The following WWOX variants were observed in gnomAD, a reference collection of about 807,000 sequenced individuals.
WWOX encodes WW domain-containing oxidoreductase.
Under a neutral mutation model 46.2 loss-of-function variants are expected in WWOX, and 69 were observed. The ratio of observed to expected loss-of-function variants is 1.49; its 90% CI spans 1.23 to 1.82. WWOX has a LOEUF of 1.82. Ranked by LOEUF, WWOX falls within the 40% of genes most tolerant of loss-of-function variation. WWOX has a pLI of 0.00. For missense variants in WWOX, 919 were observed against 542.6 expected (o/e 1.69, Z -6.89); for synonymous variants, 359 against 202.6 (o/e 1.77, Z -6.56).
At chr16:78,233,627 T>C (rs2037343666) in intron 5 of WWOX, among the ~76,000 whole-genome samples, 2 of 150,886 alleles carry the variant, frequency 1.3e-5, no homozygotes, top group African/African-American at 2.4e-5. Flanking sequence ...CCCGGGTTCA[T>C]GCCATTCTTC....
At chr16:79,102,404 G>A (rs2049219495) in intron 8 of WWOX, among the ~76,000 whole-genome samples, 1 of 152,084 alleles carries the variant, frequency 6.6e-6, no homozygotes, top group Admixed American at 6.5e-5. Context: ...ATGAATGTAT[G>A]GAATATTATT....
intron 8 of WWOX, among the ~76,000 whole-genome samples, chr16:78,514,463 G>C (rs1422094146): frequency 6.6e-6 from 1 of 152,196 alleles, no homozygotes; most frequent in Non-Finnish European, 1.5e-5. Context: ...GGTAAAAGCA[G>C]TGCAGTGAGC....
chr16:78,954,896 C>T (rs951049386), intron 8 of WWOX, among the ~76,000 whole-genome samples: 1 of 152,066 alleles, frequency 6.6e-6, no homozygotes, highest in African/African-American at 2.4e-5. Flanking sequence ...CTCAAGAGAT[C>T]CTCCTGCCTC....
intron 5 of WWOX, among the ~76,000 whole-genome samples, chr16:78,373,125 A>G (rs929607706): frequency 6.6e-5 from 10 of 152,102 alleles, no homozygotes; most frequent in African/African-American, 2.2e-4. Flanking sequence ...CTTTCTTGTA[A>G]TATCTTTGTA....
intron 6 of WWOX, among the ~76,000 whole-genome samples, chr16:78,407,492 C>T (rs2082575110): frequency 1.3e-5 from 2 of 152,198 alleles, no homozygotes; most frequent in South Asian, 2.1e-4. Context: ...TTTTGGGGAG[C>T]ATGTTAACAA....
At chr16:78,882,835 A>G (rs1166397908) in intron 8 of WWOX, among the ~76,000 whole-genome samples, 1 of 152,026 alleles carries the variant, frequency 6.6e-6, no homozygotes, top group Non-Finnish European at 1.5e-5. Context: ...TTTAAAAAAA[A>G]AAAAAAGGGC....
intron 6 of WWOX, among the ~76,000 whole-genome samples, chr16:78,397,119 C>A (rs1311760073): frequency 6.6e-6 from 1 of 152,132 alleles, no homozygotes; most frequent in Non-Finnish European, 1.5e-5. Context: ...AAGAAACTCC[C>A]CCATGATATT....
intron 8 of WWOX, among the ~76,000 whole-genome samples, chr16:78,748,751 G>C (rs1050550176): frequency 2.4e-4 from 36 of 152,198 alleles, no homozygotes; most frequent in African/African-American, 8.0e-4. Context: ...ATGCACACTC[G>C]GATTACACTG....
At chr16:78,796,367 A>T (rs1322672930) in intron 8 of WWOX, among the ~76,000 whole-genome samples, 2 of 152,228 alleles carry the variant, frequency 1.3e-5, no homozygotes, top group Non-Finnish European at 2.9e-5. Context: ...AAAAAGTACA[A>T]GTTTCCAAGG....
At chr16:78,151,807 C>G (rs1256596010) in intron 4 of WWOX, among the ~76,000 whole-genome samples, 1 of 152,220 alleles carries the variant, frequency 6.6e-6, no homozygotes, top group South Asian at 2.1e-4. Flanking sequence ...ACCGGTAACT[C>G]TCTCCTGCAG....
chr16:78,856,024 G>T (rs1044377276), intron 8 of WWOX, among the ~76,000 whole-genome samples: 1 of 152,214 alleles, frequency 6.6e-6, no homozygotes, highest in South Asian at 2.1e-4. Flanking sequence ...AACTTTACTT[G>T]CAGGGCAAGG....
intron 8 of WWOX, among the ~76,000 whole-genome samples, chr16:78,820,107 T>C (rs2151142606): frequency 1.3e-5 from 2 of 152,308 alleles, no homozygotes; most frequent in Middle Eastern, 6.8e-3. Flanking sequence ...GCACCTGTCA[T>C]GGGCCTGGCA....
chr16:78,142,298 A>G (rs1180357680), intron 4 of WWOX, among the ~76,000 whole-genome samples: 1 of 152,192 alleles, frequency 6.6e-6, no homozygotes, highest in Non-Finnish European at 1.5e-5. Flanking sequence ...TTACCCACCT[A>G]TTATGTAATG....
Position 78,390,594 on chromosome 16 carries a change from G to C in WWOX, c.605+3646G>C, listed in dbSNP as rs182057037. Among the ~76,000 whole-genome samples the C allele has an allele frequency of 4.6e-5, 7 of 152,300 alleles. No homozygotes were observed. The East Asian group carries it at 1.4e-3, about 29-fold the overall frequency. On this transcript the variant is annotated intron_variant, in intron 6 of 8. Coordinates refer to ENST00000566780, the MANE Select transcript of WWOX (RefSeq NM_016373.4). ...GGTGAAAATATGCATAAAAAAGCGAGAGATTTTACTTTTGAAATGCTGCCA... is the reference window on the plus strand; with the variant it reads ...GGTGAAAATATGCATAAAAAAGCGACAGATTTTACTTTTGAAATGCTGCCA...
intron 4 of WWOX, 135 bp downstream of exon 4, chr16:78,115,289 A>G (rs2032723563): frequency 2.9e-6 from 3 of 1,050,894 alleles, no homozygotes; most frequent in South Asian, 1.4e-5. Context: ...TCGTTTCATT[A>G]ACATCACTAC....
intron 8 of WWOX, among the ~76,000 whole-genome samples, chr16:78,614,925 C>T (rs1352197914): frequency 1.3e-5 from 2 of 152,114 alleles, no homozygotes; most frequent in Non-Finnish European, 2.9e-5. Context: ...TTTCCTTTTC[C>T]ATAGCTCTTT....
At position 78,968,725 on chromosome 16, in the gene WWOX, A is replaced by G. The variant is rs80275959; in HGVS notation, c.1057-242883A>G. Among the ~76,000 whole-genome samples, 7 of 152,224 alleles carry G rather than the reference A, an allele frequency of 4.6e-5. No individual in the cohort carries two copies. In the East Asian group the frequency reaches 1.4e-3, roughly 29 times the overall value. On this transcript the variant is annotated intron_variant, in intron 8 of 8. Coordinates refer to ENST00000566780, the MANE Select transcript of WWOX (RefSeq NM_016373.4). ...CTTCCTCTTCTTCTTCTTCTTTTTG[A>G]AACCATGCTCATTGGTTTTAGGAAT...
intron 8 of WWOX, among the ~76,000 whole-genome samples, chr16:78,626,386 G>T (rs1469278091): frequency 6.6e-6 from 1 of 152,128 alleles, no homozygotes; most frequent in African/African-American, 2.4e-5. Context: ...TCTTTGTGAT[G>T]ACCTTGACAG....
intron 8 of WWOX, among the ~76,000 whole-genome samples, chr16:78,580,958 G>A (rs769614318): frequency 1.5e-4 from 23 of 152,210 alleles, no homozygotes; most frequent in African/African-American, 5.1e-4. Context: ...TGAACCCTTC[G>A]CAAAGAGTAA....
Sources: allele counts gnomAD v4.1 joint callset (sites outside exome capture counted in the v4.1 genomes callset), GRCh38; gene constraint gnomAD v4.1.1; transcripts MANE v1.5; gene names NCBI Gene and HGNC (gene_info 2026-07-23, HGNC 2026-07-21).